The following MALRD1 variants were observed in gnomAD, a reference collection of about 807,000 sequenced individuals.
MALRD1 encodes MAM and LDL receptor class A domain containing 1, also known as MAM and LDL-receptor class A domain-containing protein 1.
A neutral mutation model predicts 242.1 loss-of-function variants in MALRD1; 247 were observed. That is an observed-to-expected ratio of 1.02 (90% CI 0.92 to 1.13). The LOEUF (loss-of-function observed/expected upper bound fraction) is 1.13, where lower values mean the gene tolerates loss of function less well. Among genes scored for constraint, MALRD1 ranks in the 50% most tolerant of loss-of-function variants. The pLI, the probability that MALRD1 is intolerant of heterozygous loss-of-function variation, is 0.00. For synonymous variants in MALRD1, 995 were observed against 866.6 expected (o/e 1.15, Z -2.60); for missense variants, 2,989 against 2,533.1 (o/e 1.18, Z -3.86).
At chr10:19,479,999 G>A (rs1416967997) in intron 29 of MALRD1, among the ~76,000 whole-genome samples, 2 of 152,178 alleles carry the variant, frequency 1.3e-5, no homozygotes, top group African/African-American at 4.8e-5. Flanking sequence ...TAAAGTGCCT[G>A]TGTGAGCAGC....
chr10:19,064,769 C>CAAAAAAA (rs147678284), intron 1 of MALRD1, among the ~76,000 whole-genome samples: 1 of 63,186 alleles, frequency 1.6e-5, no homozygotes, highest in African/African-American at 5.0e-5. Context: ...AACTCTGTCT[C>CAAAAAAA]AAAAAAAAAA....
chr10:19,565,299 A>G (rs1235695042), intron 32 of MALRD1, among the ~76,000 whole-genome samples: 1 of 152,202 alleles, frequency 6.6e-6, no homozygotes, highest in Non-Finnish European at 1.5e-5. Context: ...TGAAGATTAA[A>G]AAGACTGAAT....
intron 14 of MALRD1, among the ~76,000 whole-genome samples, chr10:19,198,504 A>G (rs1836365839): frequency 6.6e-6 from 1 of 152,214 alleles, no homozygotes; most frequent in South Asian, 2.1e-4. Context: ...ACAGGATAAT[A>G]ACTTGCCTTC....
chr10:19,363,096 A>G (rs987930721), intron 26 of MALRD1, among the ~76,000 whole-genome samples: 1 of 152,120 alleles, frequency 6.6e-6, no homozygotes, highest in Non-Finnish European at 1.5e-5. Flanking sequence ...ACAGATGTCA[A>G]CTCAGCATTT....
intron 29 of MALRD1, among the ~76,000 whole-genome samples, chr10:19,456,944 A>T (rs1835690806): frequency 6.6e-6 from 1 of 151,864 alleles, no homozygotes; most frequent in South Asian, 2.1e-4. Flanking sequence ...AGCTAAAAAA[A>T]CAAAACAAAA....
At chr10:19,169,238 C>G (rs1342599942) in intron 13 of MALRD1, among the ~76,000 whole-genome samples, 1 of 152,036 alleles carries the variant, frequency 6.6e-6, no homozygotes, top group Non-Finnish European at 1.5e-5. Flanking sequence ...CAGCTCTGAG[C>G]TATTCACATT....
At chr10:19,324,255 T>TTTA in intron 22 of MALRD1, 150 bp downstream of exon 22, 1 of 742,842 alleles carries the variant, frequency 1.3e-6, no homozygotes, top group Non-Finnish European at 2.1e-6. Flanking sequence ...GAGTAAAAGC[T>TTTA]TTAGCAGAAT....
chr10:19,280,100 T>C lies in MALRD1; in HGVS notation c.3133T>C (p.Leu1045=). The C allele has an allele frequency of 6.5e-7, 1 of 1,537,956 alleles. No homozygotes were observed. The highest frequency in any genetic ancestry group is 8.8e-7 in the Non-Finnish European group (1 of 1,142,298). The part of the protein sequence containing the change: ...TPPETSVPVT[L]PPHNCTDNEF... ...ACCAGAAACGTCAGTTCCTGTAACATTACCTCCACACAACTGCACAGACAA... is the reference window on the plus strand; with the variant it reads ...ACCAGAAACGTCAGTTCCTGTAACACTACCTCCACACAACTGCACAGACAA... The change falls in exon 20 of 40, where the codon TTA becomes CTA. Residue 1045 remains leucine (L), a synonymous_variant. Transcript: ENST00000454679.
intron 2 of MALRD1, among the ~76,000 whole-genome samples, chr10:19,078,408 C>T (rs920795197): frequency 6.6e-6 from 1 of 151,236 alleles, no homozygotes; most frequent in South Asian, 2.1e-4. Flanking sequence ...GGATAAATTC[C>T]GCTTGACCAT....
At chr10:19,708,684 C>G (rs1833974909) in intron 38 of MALRD1, among the ~76,000 whole-genome samples, 1 of 120,976 alleles carries the variant, frequency 8.3e-6, no homozygotes, top group Non-Finnish European at 1.9e-5. Context: ...TTTTTTGAGA[C>G]AGAGCCTCGC....
Position 19,207,435 on chromosome 10 carries a change from T to C in MALRD1, c.2579-1833T>C, listed in dbSNP as rs529498516. Among the ~76,000 whole-genome samples, 3 of 152,320 alleles carry C rather than the reference T, an allele frequency of 2.0e-5. No homozygotes were observed. The East Asian group carries it at 5.8e-4, about 29-fold the overall frequency. On this transcript the variant is annotated intron_variant, in intron 17 of 39. Coordinates refer to ENST00000454679, the MANE Select transcript of MALRD1 (RefSeq NM_001142308.3). ...ACCAGTGGATTCCTGAAACTGAGAA[T>C]AGTACCTAGTCCTATATATACTATG... is the stretch of plus-strand genomic sequence containing the variant.
chr10:19,420,848 G>T (rs1055257088), intron 28 of MALRD1, among the ~76,000 whole-genome samples: 1 of 152,204 alleles, frequency 6.6e-6, no homozygotes, highest in African/African-American at 2.4e-5. Flanking sequence ...CAACTCCAAA[G>T]TGGGGAAGGC....
chr10:19,322,265 G>T (rs1206502035), intron 21 of MALRD1, among the ~76,000 whole-genome samples: 1 of 151,956 alleles, frequency 6.6e-6, no homozygotes, highest in Non-Finnish European at 1.5e-5. Context: ...GTTATACTGG[G>T]ATATTTAACG....
At chr10:19,573,623 C>G (rs1248550129) in intron 33 of MALRD1, among the ~76,000 whole-genome samples, 1 of 152,154 alleles carries the variant, frequency 6.6e-6, no homozygotes, top group Admixed American at 6.5e-5. Context: ...GCTTACTACT[C>G]ATTGGACCTG....
intron 4 of MALRD1, among the ~76,000 whole-genome samples, chr10:19,088,542 T>C (rs1049842765): frequency 1.9e-4 from 27 of 141,660 alleles, no homozygotes; most frequent in African/African-American, 6.9e-4. Context: ...CTTTCTTTTT[T>C]TTTTTTTTTT....
At chr10:19,634,227 CTTTCCCAGA>C (rs1840031422) in intron 36 of MALRD1, among the ~76,000 whole-genome samples, 1 of 152,166 alleles carries the variant, frequency 6.6e-6, no homozygotes, top group Non-Finnish European at 1.5e-5. Flanking sequence ...TTTCCTGCTG[CTTTCCCAGA>C]CTCCAATGCC....
intron 30 of MALRD1, among the ~76,000 whole-genome samples, chr10:19,493,644 CT>C (rs1328327489): frequency 8.3e-6 from 1 of 119,828 alleles, no homozygotes; most frequent in African/African-American, 4.3e-5. Flanking sequence ...CCCGTCTCTA[CT>C]AAAAAAAAAA....
intron 18 of MALRD1, among the ~76,000 whole-genome samples, chr10:19,242,258 A>C (rs1347372086): frequency 1.3e-5 from 2 of 152,160 alleles, no homozygotes; most frequent in Admixed American, 1.3e-4. Context: ...AGATCTTGTT[A>C]GACGTATTCA....
chr10:19,471,241 A>G (rs562516220), intron 29 of MALRD1, among the ~76,000 whole-genome samples: 1 of 151,854 alleles, frequency 6.6e-6, no homozygotes, highest in South Asian at 2.1e-4. Context: ...AGTTAGTCCT[A>G]CATGTATGGG....
Sources: gnomAD v4.1 joint callset for allele counts (sites outside exome capture counted in the v4.1 genomes callset) on GRCh38, gnomAD v4.1.1 for gene constraint, MANE v1.5 for transcripts, NCBI Gene and HGNC (gene_info 2026-07-23, HGNC 2026-07-21) for gene names.